HIPK2: variants seen among roughly 807,000 people sequenced by gnomAD.
HIPK2 encodes homeodomain interacting protein kinase 2.
Under a neutral mutation model 113.7 loss-of-function variants are expected in HIPK2, and 27 were observed. That is an observed-to-expected ratio of 0.24 (90% CI 0.17 to 0.33). The LOEUF (loss-of-function observed/expected upper bound fraction) is 0.33, where lower values mean the gene tolerates loss of function less well. Ranked by LOEUF, HIPK2 falls within the 10% of genes least tolerant of loss-of-function variation. The pLI, the probability that HIPK2 is intolerant of heterozygous loss-of-function variation, is 1.00. For synonymous variants in HIPK2, 631 were observed against 642.2 expected, an observed-to-expected ratio of 0.98 and a Z score of 0.26; for missense variants, 1,257 against 1,588.0, an observed-to-expected ratio of 0.79 and a Z score of 3.54.
intron 1 of HIPK2, among the ~76,000 whole-genome samples, chr7:139,747,642 G>A (rs541283939): frequency 6.6e-6 from 1 of 152,204 alleles, no homozygotes; most frequent in African/African-American, 2.4e-5. Context: ...CTCCCACCTA[G>A]GCCCCTGTGG....
chr7:139,756,758 C>T (rs900139060), intron 1 of HIPK2, among the ~76,000 whole-genome samples: 3 of 152,186 alleles, frequency 2.0e-5, no homozygotes, highest in Non-Finnish European at 2.9e-5. Flanking sequence ...TTTAGTCTCA[C>T]AACAAAATTG....
chr7:139,583,694 C>T (rs981645175), intron 13 of HIPK2, 123 bp downstream of exon 13: 11 of 1,395,750 alleles, frequency 7.9e-6, no homozygotes, highest in African/African-American at 7.2e-5. Context: ...CGGTAAGGGT[C>T]GCCTGCAGTC....
At chr7:139,708,595 G>A (rs965600440) in intron 2 of HIPK2, among the ~76,000 whole-genome samples, 4 of 152,226 alleles carry the variant, frequency 2.6e-5, no homozygotes, top group African/African-American at 9.6e-5. Context: ...GTATTTGGCA[G>A]CTCTGTGGCA....
At position 139,662,016 on chromosome 7, in the gene HIPK2, GT is replaced by G. The variant is rs376489337; in HGVS notation, c.1104-30292del. ...TAAGACTACATTATTCTCACCAACT[GT>G]TATATGTTTAGCTTGGCTTCTGACC... is the stretch of plus-strand genomic sequence containing the variant. On this transcript the variant is annotated intron_variant, in intron 2 of 14. Coordinates refer to ENST00000406875, the MANE Select transcript of HIPK2 (RefSeq NM_022740.5). Among the ~76,000 whole-genome samples, 173 of 152,232 alleles carry G rather than the reference GT, an allele frequency of 1.1e-3. 3 individuals carry two copies. Among genetic ancestry groups the G allele is most frequent in the African/African-American group, 4.1e-3 (170 of 41,542 alleles).
At chr7:139,665,949 C>CTTTTTTTTTTTT (rs375858246) in intron 2 of HIPK2, among the ~76,000 whole-genome samples, 1 of 145,600 alleles carries the variant, frequency 6.9e-6, no homozygotes. Flanking sequence ...AGGAGGTCTG[C>CTTTTTTTTTTTT]CTTTTTTTTT....
intron 12 of HIPK2, among the ~76,000 whole-genome samples, chr7:139,587,783 C>G (rs1301431068): frequency 6.6e-6 from 1 of 151,760 alleles, no homozygotes; most frequent in African/African-American, 2.4e-5. Flanking sequence ...GAGACTGAGG[C>G]AGGAAGATGG....
intron 2 of HIPK2, among the ~76,000 whole-genome samples, chr7:139,663,107 C>T (rs1801924189): frequency 6.6e-6 from 1 of 152,178 alleles, no homozygotes; most frequent in Non-Finnish European, 1.5e-5. Context: ...GCTCACACTT[C>T]CCTCAGCCCA....
Position 139,613,162 on chromosome 7 carries a change from G to A in HIPK2, c.2112+40C>T. 6.2e-7 allele frequency: 1 copy of A among 1,610,342 alleles called. No homozygotes were observed. Among genetic ancestry groups the A allele is most frequent in the Non-Finnish European group, 8.5e-7 (1 of 1,177,842 alleles). On this transcript the variant is annotated intron_variant, in intron 9 of 14. Transcript: ENST00000406875. The surrounding 1 kb of genome is among the most constrained non-coding windows in gnomAD (Gnocchi z 4.2). ...TCTTTTGTGAACAACATTAACACAGGTAATGGTAATACCAGTAATAATAAA... is the reference window on the plus strand; with the variant it reads ...TCTTTTGTGAACAACATTAACACAGATAATGGTAATACCAGTAATAATAAA...
At chr7:139,657,414 T>C (rs940878972) in intron 2 of HIPK2, among the ~76,000 whole-genome samples, 69 of 152,344 alleles carry the variant, frequency 4.5e-4, no homozygotes, top group African/African-American at 1.6e-3. Flanking sequence ...GATTTTTCAC[T>C]GTATTGGTCC....
At chr7:139,682,553 TG>T (rs989768107) in intron 2 of HIPK2, among the ~76,000 whole-genome samples, 11 of 152,230 alleles carry the variant, frequency 7.2e-5, no homozygotes, top group African/African-American at 2.4e-4. Flanking sequence ...GTCCCTGTGG[TG>T]GGTGGGGCCG....
intron 2 of HIPK2, among the ~76,000 whole-genome samples, chr7:139,642,963 G>T (rs571374153): frequency 6.6e-6 from 1 of 152,142 alleles, no homozygotes; most frequent in South Asian, 2.1e-4. Flanking sequence ...AAGGAGAGCT[G>T]GGGGGACAGA....
In HIPK2 at chr7:139,564,767, A is replaced by T. The variant is rs1798045003; in HGVS notation, c.*8160T>A. 1 of 152,246 alleles carries T rather than the reference A, an allele frequency of 6.6e-6. No individual in the cohort carries two copies. 9.4% of individuals were successfully genotyped at this position (152,246 alleles called of 1,614,324 possible). On this transcript the variant is annotated 3_prime_UTR_variant, in exon 15 of 15. Transcript: ENST00000406875. ...AAGTACCAGTCTAAATGTAAACTAT[A>T]AAACACTTTAACTATAAAACGTAGC... is the stretch of plus-strand genomic sequence containing the variant.
intron 5 of HIPK2, among the ~76,000 whole-genome samples, chr7:139,627,216 T>G (rs562318287): frequency 4.6e-4 from 70 of 152,290 alleles, no homozygotes; most frequent in African/African-American, 1.5e-3. Context: ...GCTAAGATGA[T>G]AAATTTTATG....
chr7:139,579,865 C>T (rs952538356), intron 13 of HIPK2, among the ~76,000 whole-genome samples: 6 of 152,084 alleles, frequency 3.9e-5, no homozygotes, highest in Non-Finnish European at 1.5e-5. Context: ...CGAGTAGGTA[C>T]GGGAGATCCG....
chr7:139,756,402 GA>G (rs1182444417), intron 1 of HIPK2, among the ~76,000 whole-genome samples: 27 of 152,180 alleles, frequency 1.8e-4, no homozygotes, highest in Middle Eastern at 3.4e-3. Flanking sequence ...AAAATTACTA[GA>G]CTTTATTTAG....
At chr7:139,580,912 A>G (rs1798645597) in intron 13 of HIPK2, among the ~76,000 whole-genome samples, 1 of 152,168 alleles carries the variant, frequency 6.6e-6, no homozygotes, top group South Asian at 2.1e-4. Flanking sequence ...TCCTGGTTAA[A>G]GCTGAGGCTC....
At chr7:139,741,394 C>T (rs1050773246) in intron 1 of HIPK2, among the ~76,000 whole-genome samples, 1 of 152,182 alleles carries the variant, frequency 6.6e-6, no homozygotes, top group Non-Finnish European at 1.5e-5. Flanking sequence ...TGTCCTCTTG[C>T]AACATTTCAC....
intron 2 of HIPK2, among the ~76,000 whole-genome samples, chr7:139,676,299 C>A (rs1802493498): frequency 6.6e-6 from 1 of 152,168 alleles, no homozygotes; most frequent in Admixed American, 6.5e-5. Flanking sequence ...GCAAGGGAAT[C>A]CCTGGGCTCA....
chr7:139,651,281 C>A (rs6942566), intron 2 of HIPK2, among the ~76,000 whole-genome samples: 1 of 152,158 alleles, frequency 6.6e-6, no homozygotes, highest in Non-Finnish European at 1.5e-5. Flanking sequence ...CAAGACTGAA[C>A]GGATGGCATG....
Sources: allele counts gnomAD v4.1 joint callset (sites outside exome capture counted in the v4.1 genomes callset), GRCh38; gene constraint gnomAD v4.1.1; non-coding constraint Gnocchi (gnomAD v3.1); transcripts MANE v1.5; gene names NCBI Gene and HGNC (gene_info 2026-07-23, HGNC 2026-07-21).